Variants in ENTPD4 observed in about 807,000 individuals in gnomAD.
ENTPD4 encodes the protein ectonucleoside triphosphate diphosphohydrolase 4, also known as Golgi UDPase.
ENTPD4 carries 60 observed loss-of-function variants against 79.1 expected under a neutral mutation model. That is an observed-to-expected ratio of 0.76 (90% confidence interval 0.62 to 0.94). ENTPD4 has a LOEUF of 0.94. Among genes scored for constraint, ENTPD4 ranks in the 40% least tolerant of loss-of-function variants. The pLI, the probability that ENTPD4 is intolerant of heterozygous loss-of-function variation, is 0.00. For synonymous variants in ENTPD4, 276 were observed against 292.0 expected (o/e 0.95, Z 0.56); for missense variants, 772 against 775.1 (o/e 1.00, Z 0.05).
rs541653918 is a variant in ENTPD4, at chr8:23,432,684, G to A, written c.*242C>T. The A allele has an allele frequency of 2.3e-5, 20 of 868,998 alleles. No homozygotes were observed. In the South Asian group the frequency reaches 5.1e-4, roughly 22 times the overall value. 53.8% of individuals were successfully genotyped at this position (868,998 alleles called of 1,614,324 possible). Reference sequence around the variant, plus strand: ...CAGCTAATTTTTTGTATTTTTAGTAGAGACGGGGTTTCACCGTGTTAGCCA... The same window carrying A: ...CAGCTAATTTTTTGTATTTTTAGTAAAGACGGGGTTTCACCGTGTTAGCCA... On this transcript the variant is annotated 3_prime_UTR_variant, in exon 13 of 13. Transcript: ENST00000358689.
intron 1 of ENTPD4, among the ~76,000 whole-genome samples, chr8:23,456,825 G>C (rs1257525073): frequency 6.6e-6 from 1 of 152,152 alleles, no homozygotes; most frequent in African/African-American, 2.4e-5. Context: ...AATTAGCCTG[G>C]GCTTTGAGTG....
At position 23,430,642 on chromosome 8, in the gene ENTPD4, G is replaced by A; in HGVS notation, c.*2284C>T. On this transcript the variant is annotated 3_prime_UTR_variant, in exon 13 of 13. Transcript: ENST00000358689. ...AATCCACTACTACCTCTCAGCTGGA[G>A]CAATGAGGTTTTCTCAGCCCTTGTT... is the stretch of plus-strand genomic sequence containing the variant. The A allele has an allele frequency of 4.1e-6, 4 of 985,450 alleles. No homozygotes were observed. The highest frequency in any genetic ancestry group is 4.8e-6 in the Non-Finnish European group (4 of 829,948). The allele number at this position is 985,450 out of a possible 1,614,324, so 61.0% of individuals were successfully genotyped here.
chr8:23,437,444 G>GA (rs1034842098), intron 9 of ENTPD4, among the ~76,000 whole-genome samples, 186 bp from the exon 10 acceptor site: 16 of 152,290 alleles, frequency 1.1e-4, no homozygotes, highest in African/African-American at 2.9e-4. Context: ...CTTTCTTGGA[G>GA]AGTCAGGATA....
chr8:23,429,702 A>T lies in ENTPD4; in HGVS notation c.*3224T>A. The T allele has an allele frequency of 6.1e-6, 6 of 985,450 alleles. No homozygotes were observed. The highest frequency in any genetic ancestry group is 7.2e-6 in the Non-Finnish European group (6 of 829,924). 61.0% of individuals were successfully genotyped at this position (985,450 alleles called of 1,614,324 possible). A position where few individuals can be genotyped will look rare whatever the true frequency, so the allele number is the denominator to read the frequency against. ...GATGTGGAAAACTGGTGGTGAAAAG[A>T]GGGACCTACCCAGCCTTCAGGGTGG... On this transcript the variant is annotated 3_prime_UTR_variant, in exon 13 of 13. Transcript: ENST00000358689.
At position 23,431,596 on chromosome 8, in the gene ENTPD4, G is replaced by A; in HGVS notation, c.*1330C>T. 1 of 985,404 alleles carries A rather than the reference G, an allele frequency of 1.0e-6. No homozygotes were observed. The highest frequency in any genetic ancestry group is 1.2e-6 in the Non-Finnish European group (1 of 829,938). 61.0% of individuals were successfully genotyped at this position (985,404 alleles called of 1,614,324 possible). On this transcript the variant is annotated 3_prime_UTR_variant, in exon 13 of 13. Transcript: ENST00000358689. ...TTCTGGATTTACAGTGGTGCTGCCA[G>A]CAACAGCCTCAGTCAATGCGGTTAG...
In ENTPD4 at chr8:23,437,153, G is replaced by A. The variant is rs371638792; in HGVS notation, c.1155C>T (p.Tyr385=). Residue 385 remains tyrosine (Y), a synonymous_variant, in exon 10 of 13, where the codon TAC becomes TAT. Transcript: ENST00000358689. ...DEIQQNGQTI[Y]LRGTGDFDLC... is the part of the protein sequence containing the mutation. ...GGTCAAAGTCTCCAGTCCCTCGTAGGTATATGGTTTGTCCATTTTGCTGGA... is the reference window on the plus strand; with the variant it reads ...GGTCAAAGTCTCCAGTCCCTCGTAGATATATGGTTTGTCCATTTTGCTGGA... 352 of 1,614,148 alleles carry A rather than the reference G, an allele frequency of 2.2e-4. 4 individuals carry two copies. The highest frequency in any genetic ancestry group is 1.8e-3 in the South Asian group (168 of 91,082).
rs1462076418 is a variant in ENTPD4 at position 23,429,612 on chromosome 8, T to C, written c.*3314A>G. On this transcript the variant is annotated 3_prime_UTR_variant, in exon 13 of 13. Coordinates refer to ENST00000358689, the MANE Select transcript of ENTPD4 (RefSeq NM_004901.5). ...ATGCTCCTTATAAGGAAAACTACTCTGTGTAGGCCTGAGTTTAAAATGTAA... is the reference window on the plus strand; with the variant it reads ...ATGCTCCTTATAAGGAAAACTACTCCGTGTAGGCCTGAGTTTAAAATGTAA... The C allele has an allele frequency of 1.0e-6, 1 of 985,434 alleles. No homozygotes were observed. The allele number at this position is 985,434 out of a possible 1,614,324, so 61.0% of individuals were successfully genotyped here.
chr8:23,456,223 C>T (rs575700962), intron 1 of ENTPD4, among the ~76,000 whole-genome samples: 1 of 152,354 alleles, frequency 6.6e-6, no homozygotes, highest in South Asian at 2.1e-4. Flanking sequence ...AGCTCCAGTG[C>T]AGCAGGTCTC....
Position 23,431,154 on chromosome 8 carries a change from G to T in ENTPD4, c.*1772C>A. The T allele has an allele frequency of 5.5e-6, 2 of 363,100 alleles. No homozygotes were observed. The highest frequency in any genetic ancestry group is 7.6e-6 in the Non-Finnish European group (2 of 261,550). 22.5% of individuals were successfully genotyped at this position (363,100 alleles called of 1,614,324 possible). On this transcript the variant is annotated 3_prime_UTR_variant, in exon 13 of 13. Coordinates refer to ENST00000358689, the MANE Select transcript of ENTPD4 (RefSeq NM_004901.5). Reference sequence around the variant, plus strand: ...CAGAATTCCCTTGGTCTTCTCTTCTGATCCCTCAGCAGAACTGCCCCTAAT... The same window carrying T: ...CAGAATTCCCTTGGTCTTCTCTTCTTATCCCTCAGCAGAACTGCCCCTAAT...
At chr8:23,440,578 G>A (rs1405463685) in intron 8 of ENTPD4, among the ~76,000 whole-genome samples, 2 of 152,254 alleles carry the variant, frequency 1.3e-5, no homozygotes, top group East Asian at 3.9e-4. Context: ...TACAAAGAGT[G>A]TAACAGTCTC....
intron 8 of ENTPD4, among the ~76,000 whole-genome samples, chr8:23,440,927 C>T (rs1800657089): frequency 6.6e-6 from 1 of 152,228 alleles, no homozygotes; most frequent in South Asian, 2.1e-4. Context: ...CCGCCGGCCA[C>T]GCTATGCTGC....
intron 12 of ENTPD4, 127 bp from the exon 13 acceptor site, chr8:23,433,281 A>G: frequency 1.4e-6 from 1 of 703,498 alleles, no homozygotes; most frequent in South Asian, 1.8e-5. Context: ...CTACCTCTGA[A>G]ATGGAGAACG....
At position 23,444,640 on chromosome 8, in the gene ENTPD4, A is replaced by G. The variant is rs368776689; in HGVS notation, c.413-34T>C. The G allele has an allele frequency of 3.9e-5, 63 of 1,599,158 alleles. 1 individual carries two copies. The African/African-American group carries it at 7.4e-4, about 19-fold the overall frequency. Reference sequence around the variant, plus strand: ...ACAGGATACTTTAGTTAAGAAGCAGATATTTTAGCTATAACATGTGATGTT... The same window carrying G: ...ACAGGATACTTTAGTTAAGAAGCAGGTATTTTAGCTATAACATGTGATGTT... On this transcript the variant is annotated intron_variant, in intron 4 of 12. Coordinates refer to ENST00000358689, the MANE Select transcript of ENTPD4 (RefSeq NM_004901.5).
Position 23,444,527 on chromosome 8 carries a change from C to T in ENTPD4, c.492G>A (p.Val164=). 6.2e-7 allele frequency: 1 copy of T among 1,614,170 alleles called. No individual in the cohort carries two copies. Among genetic ancestry groups the T allele is most frequent in the Non-Finnish European group, 8.5e-7 (1 of 1,180,020 alleles). Residue 164 remains valine, a synonymous_variant, in exon 5 of 13, where the codon GTG becomes GTA. Transcript: ENST00000358689. The part of the protein sequence containing the change: ...SPLLNFAAEH[V]PRAKHKETPL... ...GTGTCTCTTTGTGTTTTGCCCGTGG[C>T]ACATGCTCTGCAGCAAAGTTCAAAA...
At position 23,441,737 on chromosome 8, in the gene ENTPD4, A is replaced by T; in HGVS notation, c.728-14T>A. On this transcript the variant is annotated splice_polypyrimidine_tract_variant and intron_variant, in intron 7 of 12. Coordinates refer to ENST00000358689, the MANE Select transcript of ENTPD4 (RefSeq NM_004901.5). ...CGGCCTCATCATCTAGAAAGAACAG[A>T]AAGTGTTCACTGGAACAGAACTAAT... 1 of 1,613,248 alleles carries T rather than the reference A, an allele frequency of 6.2e-7. No homozygotes were observed. Among genetic ancestry groups the T allele is most frequent in the Middle Eastern group, 1.7e-4 (1 of 6,036 alleles).
At chr8:23,450,119 T>C (rs942253643) in intron 1 of ENTPD4, 122 bp from the exon 2 acceptor site, 13 of 593,882 alleles carry the variant, frequency 2.2e-5, no homozygotes, top group Non-Finnish European at 3.3e-5. Context: ...ACTGAAGCTG[T>C]TGGAAGGGTT....
In ENTPD4 at chr8:23,444,460, C is replaced by T. The variant is rs1329689175; in HGVS notation, c.559G>A (p.Glu187Lys). 6.2e-6 allele frequency: 10 copies of T among 1,613,544 alleles called. No individual in the cohort carries two copies. Among genetic ancestry groups the T allele is most frequent in the South Asian group, 1.1e-5 (1 of 91,040 alleles). The change falls in exon 5 of 13, where the codon GAA becomes AAA. Residue 187 changes from glutamate to lysine, a missense_variant. Coordinates refer to ENST00000358689, the MANE Select transcript of ENTPD4 (RefSeq NM_004901.5). ...TGCCCTTCTGTGGAGGATCACCTTT[C>T]GGGGAGGATTCTCATTCCAGCCGTG... ...LCTAGMRILP[E>K]SQQKAILEDL...
chr8:23,446,183 A>C (rs1800760617), intron 4 of ENTPD4, among the ~76,000 whole-genome samples: 1 of 152,232 alleles, frequency 6.6e-6, no homozygotes, highest in Non-Finnish European at 1.5e-5. Context: ...CACTTTGTAT[A>C]GTGCAAGACA....
chr8:23,451,399 T>C (rs1001453826), intron 1 of ENTPD4, among the ~76,000 whole-genome samples: 5 of 152,212 alleles, frequency 3.3e-5, no homozygotes, highest in Admixed American at 6.5e-5. Context: ...CATCTTTGCC[T>C]GAGATCAGGC....
Sources: allele counts gnomAD v4.1 joint callset (sites outside exome capture counted in the v4.1 genomes callset), GRCh38; gene constraint gnomAD v4.1.1; transcripts MANE v1.5; gene names NCBI Gene and HGNC (gene_info 2026-07-23, HGNC 2026-07-21).